KLC1: variants seen among roughly 807,000 people sequenced by gnomAD.
KLC1 encodes the protein kinesin 2 60/70kDa.
A neutral mutation model predicts 84.2 loss-of-function variants in KLC1; 30 were observed. The ratio of observed to expected loss-of-function variants is 0.36; its 90% CI spans 0.27 to 0.48. The LOEUF (loss-of-function observed/expected upper bound fraction) is 0.48. KLC1 is among the 20% of genes least tolerant of loss of function. The probability of loss-of-function intolerance (pLI) is 0.99; values close to 1 mark genes in which losing one functional copy is unlikely to be tolerated. For synonymous variants in KLC1, 289 were observed against 293.3 expected, an observed-to-expected ratio of 0.99 and a Z score of 0.15; for missense variants, 499 against 805.4, an observed-to-expected ratio of 0.62 and a Z score of 4.60.
chr14:103,666,141 G>A (rs1482222928), intron 5 of KLC1, among the ~76,000 whole-genome samples: 1 of 152,114 alleles, frequency 6.6e-6, no homozygotes, highest in Non-Finnish European at 1.5e-5. Context: ...TGGGCTCACT[G>A]CAAGCTCCGC....
intron 14 of KLC1, among the ~76,000 whole-genome samples, chr14:103,690,017 T>C (rs1046865798): frequency 6.6e-6 from 1 of 151,996 alleles, no homozygotes; most frequent in African/African-American, 2.4e-5. Flanking sequence ...CCGTCTCTAC[T>C]AAAAATACAA....
chr14:103,689,179 A>T (rs1262156782), intron 14 of KLC1, among the ~76,000 whole-genome samples: 2 of 152,114 alleles, frequency 1.3e-5, no homozygotes, highest in Non-Finnish European at 2.9e-5. Context: ...CCTGGAGGGG[A>T]TCACACTGAT....
intron 13 of KLC1, chr14:103,686,365 G>A: frequency 4.2e-6 from 1 of 237,288 alleles, no homozygotes; most frequent in Non-Finnish European, 6.8e-6. Context: ...GCTGCTGTAT[G>A]CACATCTTCT....
rs897751957 is a variant in KLC1 at position 103,696,041 on chromosome 14, C to T, written c.1848+3616C>T. 2.4e-5 allele frequency: 24 copies of T among 984,748 alleles called. No homozygotes were observed. In the East Asian group the frequency reaches 1.3e-3, roughly 51 times the overall value. 61.0% of individuals were successfully genotyped at this position (984,748 alleles called of 1,614,324 possible). ...GGTCGTTCTGGTGAGAGGAACCCCA[C>T]GCGAGAGTCAGCACCTGTTTCTTCA... is the stretch of plus-strand genomic sequence containing the variant. On this transcript the variant is annotated intron_variant, in intron 15 of 16. Transcript: ENST00000334553.
intron 14 of KLC1, 131 bp from the exon 15 acceptor site, chr14:103,692,228 C>A: frequency 1.4e-6 from 1 of 736,124 alleles, no homozygotes; most frequent in Non-Finnish European, 2.3e-6. Context: ...GTTACCCAAG[C>A]AAGATGAAGG....
chr14:103,679,468 C>T lies in KLC1; in HGVS notation c.1573C>T (p.Leu525Phe). The T allele has an allele frequency of 1.2e-6, 2 of 1,614,168 alleles. No individual in the cohort carries two copies. Among genetic ancestry groups the T allele is most frequent in the South Asian group, 2.2e-5 (2 of 91,078 alleles). The change falls in exon 13 of 17, where the codon CTC becomes TTC. Residue 525 changes from leucine to phenylalanine, a missense_variant. This residue lies in a region of KLC1 where 167 missense variants were observed against 208.8 expected (regional missense o/e 0.80). Transcript: ENST00000334553. ...GGAGAAGCGCAGGAGCCGTGAGAGC[C>T]TCAACGTGGACGTGGTCAAGTACGA... Reference protein sequence around the residue: ...NMEKRRSRESLNVDVVKYESG... With the variant: ...NMEKRRSRESFNVDVVKYESG...
chr14:103,690,249 T>TG, intron 14 of KLC1, among the ~76,000 whole-genome samples: 1 of 152,240 alleles, frequency 6.6e-6, no homozygotes, highest in East Asian at 1.9e-4. Flanking sequence ...ATAATTTACT[T>TG]GTGATTTGGT....
At chr14:103,699,026 C>T (rs2082844158) in intron 15 of KLC1, 37 of 1,578,132 alleles carry the variant, frequency 2.3e-5, no homozygotes, top group African/African-American at 4.1e-5. Context: ...ACCTGAGAAA[C>T]AGGAAGCAGG....
intron 7 of KLC1, 51 bp downstream of exon 7, chr14:103,670,334 G>T (rs777774953): frequency 2.3e-6 from 3 of 1,303,920 alleles, no homozygotes; most frequent in Admixed American, 4.4e-5. Context: ...TTTTGTGTGT[G>T]TGTGGTTTTT....
At chr14:103,654,459 T>A in intron 1 of KLC1, 105 bp from the exon 2 acceptor site, 1 of 808,474 alleles carries the variant, frequency 1.2e-6, no homozygotes, top group South Asian at 2.0e-5. Context: ...GCATATTTAT[T>A]ATTCCCCTAT....
intron 1 of KLC1, among the ~76,000 whole-genome samples, chr14:103,643,165 A>G (rs1378414749): frequency 6.6e-6 from 1 of 152,268 alleles, no homozygotes. Context: ...TTACATTAAT[A>G]AATGAGGAAA....
At chr14:103,642,261 C>T (rs2151359136) in intron 1 of KLC1, among the ~76,000 whole-genome samples, 1 of 152,238 alleles carries the variant, frequency 6.6e-6, no homozygotes, top group South Asian at 2.1e-4. Flanking sequence ...ACTAATCCCA[C>T]CGTGAGGGGT....
intron 11 of KLC1, among the ~76,000 whole-genome samples, 173 bp downstream of exon 11, chr14:103,675,929 T>A (rs1022190225): frequency 2.6e-5 from 4 of 152,238 alleles, no homozygotes; most frequent in African/African-American, 9.6e-5. Flanking sequence ...TGAGATCACT[T>A]ACATGTATAA....
chr14:103,651,399 TTTAATTTAGTTA>T lies in KLC1; in HGVS notation c.-1-3159_-1-3148del, dbSNP rs1241858886. On this transcript the variant is annotated intron_variant, in intron 1 of 16. Transcript: ENST00000334553. Reference sequence around the variant, plus strand: ...TTTCCTTCTAGTTTCTTGGTTTTTTTTTAATTTAGTTATTAATCTGGAATTCATGTTAGTATA... The same window carrying T: ...TTTCCTTCTAGTTTCTTGGTTTTTTTTTAATCTGGAATTCATGTTAGTATA... Among the ~76,000 whole-genome samples the T allele has an allele frequency of 3.3e-5, 5 of 152,232 alleles. No individual in the cohort carries two copies. The East Asian group carries it at 9.6e-4, about 29-fold the overall frequency.
At chr14:103,682,671 A>T (rs994150808) in intron 13 of KLC1, 1 of 151,978 alleles carries the variant, frequency 6.6e-6, no homozygotes, top group Non-Finnish European at 1.5e-5. Context: ...GTGACAGAGC[A>T]AGAGTGTCTC....
At chr14:103,631,332 G>A (rs931147372) in intron 1 of KLC1, among the ~76,000 whole-genome samples, 2 of 151,928 alleles carry the variant, frequency 1.3e-5, no homozygotes, top group African/African-American at 2.4e-5. Flanking sequence ...CGCCCACCTC[G>A]GCCTCCCAAA....
chr14:103,659,197 T>G (rs2079085554), intron 3 of KLC1, among the ~76,000 whole-genome samples: 1 of 146,124 alleles, frequency 6.8e-6, no homozygotes, highest in Non-Finnish European at 1.5e-5. Flanking sequence ...ACTCCTGACC[T>G]CAGGTCATCC....
intron 1 of KLC1, among the ~76,000 whole-genome samples, chr14:103,653,144 T>C (rs148951881): frequency 9.9e-5 from 15 of 152,164 alleles, no homozygotes; most frequent in Non-Finnish European, 2.1e-4. Context: ...TTTTTTCTTT[T>C]TTTGGGAATT....
chr14:103,676,003 A>G (rs2080844597), intron 11 of KLC1, among the ~76,000 whole-genome samples: 1 of 152,224 alleles, frequency 6.6e-6, no homozygotes, highest in African/African-American at 2.4e-5. Flanking sequence ...TTTACTTTTA[A>G]TGGCAGAAAC....
Sources: gnomAD v4.1 joint callset for allele counts (sites outside exome capture counted in the v4.1 genomes callset) on GRCh38, gnomAD v4.1.1 for gene constraint, gnomAD v4.1.1 regional missense constraint, MANE v1.5 for transcripts, NCBI Gene and HGNC (gene_info 2026-07-23, HGNC 2026-07-21) for gene names.